GSE1: variants seen among roughly 807,000 people sequenced by gnomAD.
GSE1 encodes genetic suppressor element 1.
GSE1 carries 32 observed loss-of-function variants against 112.6 expected under a neutral mutation model. The observed-to-expected ratio is 0.28, with a 90% confidence interval of 0.21 to 0.38. The LOEUF (loss-of-function observed/expected upper bound fraction) is 0.38, where lower values mean the gene tolerates loss of function less well. Ranked by LOEUF, GSE1 falls within the 10% of genes least tolerant of loss-of-function variation. The pLI, the probability that GSE1 is intolerant of heterozygous loss-of-function variation, is 1.00. For missense variants in GSE1, 2,348 were observed against 1,699.2 expected (o/e 1.38, Z -6.71); for synonymous variants, 1,115 against 735.6 (o/e 1.52, Z -8.35).
intron 15 of GSE1, chr16:85,672,103 A>C (rs947867117): frequency 9.3e-6 from 3 of 323,026 alleles, no homozygotes; most frequent in African/African-American, 6.5e-5. Flanking sequence ...GGTTCAAGCG[A>C]TTCTCCTGCC....
At chr16:85,421,605 G>A (rs1369689235) in intron 2 of GSE1, among the ~76,000 whole-genome samples, 1 of 152,226 alleles carries the variant, frequency 6.6e-6, no homozygotes, top group Non-Finnish European at 1.5e-5. Flanking sequence ...TTTCGGGGCT[G>A]CTGGCAGCTG....
At chr16:85,438,429 G>A (rs113849323) in intron 2 of GSE1, among the ~76,000 whole-genome samples, 23 of 152,322 alleles carry the variant, frequency 1.5e-4, no homozygotes, top group East Asian at 1.3e-3. Context: ...GAGGTCCTTC[G>A]TGGGCAACAT....
chr16:85,215,759 G>A (rs887031580), intron 1 of GSE1, among the ~76,000 whole-genome samples: 1 of 152,142 alleles, frequency 6.6e-6, no homozygotes, highest in Non-Finnish European at 1.5e-5. Flanking sequence ...CATTCTGGGG[G>A]GGTGTGATTA....
intron 2 of GSE1, among the ~76,000 whole-genome samples, chr16:85,548,190 C>T (rs2151226497): frequency 7.5e-6 from 1 of 133,026 alleles, no homozygotes; most frequent in Admixed American, 8.7e-5. Flanking sequence ...GATTGAGCCA[C>T]AGCACTCCAG....
chr16:85,596,371 T>C (rs2047227099), intron 1 of GSE1, among the ~76,000 whole-genome samples: 1 of 152,184 alleles, frequency 6.6e-6, no homozygotes, highest in Non-Finnish European at 1.5e-5. Context: ...ACTCAAGCTT[T>C]CAGAGAGACT....
At chr16:85,472,091 C>T (rs2050312679) in intron 2 of GSE1, among the ~76,000 whole-genome samples, 1 of 152,184 alleles carries the variant, frequency 6.6e-6, no homozygotes, top group Non-Finnish European at 1.5e-5. Flanking sequence ...GTGTGACAAC[C>T]AGACACCTGC....
At chr16:85,627,701 A>G (rs1181084987) in intron 1 of GSE1, among the ~76,000 whole-genome samples, 1 of 148,382 alleles carries the variant, frequency 6.7e-6, no homozygotes, top group Admixed American at 6.7e-5. Context: ...CTCATCCGTC[A>G]CAGGCCTTCA....
intron 1 of GSE1, among the ~76,000 whole-genome samples, chr16:85,600,562 AACACACACAC>A (rs144938363): frequency 3.4e-5 from 5 of 148,550 alleles, no homozygotes; most frequent in Non-Finnish European, 6.0e-5. Flanking sequence ...CTTGTTAAAA[AACACACACAC>A]ACACACACAC....
intron 2 of GSE1, among the ~76,000 whole-genome samples, chr16:85,464,239 G>A (rs367998912): frequency 1.5e-4 from 23 of 152,108 alleles, no homozygotes; most frequent in African/African-American, 2.7e-4. Context: ...GAGAGGTCGC[G>A]AACGGTTGAT....
intron 2 of GSE1, among the ~76,000 whole-genome samples, chr16:85,455,500 T>C (rs1231563158): frequency 6.6e-6 from 1 of 152,128 alleles, no homozygotes; most frequent in Non-Finnish European, 1.5e-5. Context: ...CATGGTCCCC[T>C]CCTCACACCC....
chr16:85,245,647 TA>T (rs1188677349), intron 1 of GSE1, among the ~76,000 whole-genome samples: 1 of 152,236 alleles, frequency 6.6e-6, no homozygotes, highest in Non-Finnish European at 1.5e-5. Flanking sequence ...ACTCTTAAAA[TA>T]GTCCTTACTA....
At chr16:85,517,329 A>C (rs1378304263) in intron 2 of GSE1, among the ~76,000 whole-genome samples, 1 of 152,306 alleles carries the variant, frequency 6.6e-6, no homozygotes, top group African/African-American at 2.4e-5. Context: ...CCTGCTGCTT[A>C]ACCTCCCCGT....
intron 1 of GSE1, among the ~76,000 whole-genome samples, chr16:85,586,990 G>C (rs2046729340): frequency 6.6e-6 from 1 of 152,236 alleles, no homozygotes; most frequent in South Asian, 2.1e-4. Flanking sequence ...GTGAGGGTTG[G>C]TTACAGGCTG....
At chr16:85,636,222 G>A (rs1260232335) in intron 2 of GSE1, among the ~76,000 whole-genome samples, 2 of 152,248 alleles carry the variant, frequency 1.3e-5, no homozygotes, top group Non-Finnish European at 2.9e-5. Flanking sequence ...ATGGCAGAGG[G>A]TCGGGAGAGC....
In GSE1 at chr16:85,503,657, C is replaced by T. The variant is rs28580883; in HGVS notation, c.2465-130257C>T. On this transcript the variant is annotated intron_variant, in intron 2 of 2. Coordinates refer to the GSE1 transcript ENST00000637419. ...GTATTTTTAACCTTAACTGTCGGGG[C>T]TGAACTTAAATTTCCTATCTGGACA... 6.0e-3 allele frequency among the ~76,000 whole-genome samples: 916 copies of T among 152,260 alleles called. 6 individuals carry two copies. Among genetic ancestry groups the T allele is most frequent in the African/African-American group, 0.021 (861 of 41,524 alleles).
At chr16:85,188,437 C>T (rs34666384) in intron 1 of GSE1, among the ~76,000 whole-genome samples, 12,206 of 152,134 alleles carry the variant, frequency 0.08, 716 homozygotes, top group East Asian at 0.25. Flanking sequence ...AGAGCTGTCA[C>T]CTAGACCTCA....
At chr16:85,210,289 T>C (rs1428530372) in intron 1 of GSE1, among the ~76,000 whole-genome samples, 2 of 152,200 alleles carry the variant, frequency 1.3e-5, no homozygotes, top group Non-Finnish European at 2.9e-5. Context: ...CACTGTTATT[T>C]ACCAGGTGGA....
intron 1 of GSE1, among the ~76,000 whole-genome samples, chr16:85,237,243 T>C (rs1222184380): frequency 1.3e-5 from 2 of 151,802 alleles, no homozygotes; most frequent in Admixed American, 1.3e-4. Context: ...GAATGACTTG[T>C]ACCCGGGAGC....
At chr16:85,246,498 A>C (rs1458519803) in intron 1 of GSE1, among the ~76,000 whole-genome samples, 12 of 31,528 alleles carry the variant, frequency 3.8e-4, no homozygotes, top group Non-Finnish European at 6.0e-4. Flanking sequence ...CACACTCTAC[A>C]CACCCCCCCC....
Sources: gnomAD v4.1 joint callset for allele counts (sites outside exome capture counted in the v4.1 genomes callset) on GRCh38, gnomAD v4.1.1 for gene constraint, MANE v1.5 for transcripts, NCBI Gene and HGNC (gene_info 2026-07-23, HGNC 2026-07-21) for gene names.